Variants in ANXA8 observed in about 807,000 individuals in gnomAD.
ANXA8 encodes VAC-beta.
Under a neutral mutation model 26.8 loss-of-function variants are expected in ANXA8, and 9 were observed. That is an observed-to-expected ratio of 0.34 (90% CI 0.20 to 0.59). ANXA8 has a LOEUF of 0.59. Among genes scored for constraint, ANXA8 ranks in the 20% least tolerant of loss-of-function variants. The probability of loss-of-function intolerance (pLI) is 0.84; values close to 1 mark genes in which losing one functional copy is unlikely to be tolerated. For missense variants in ANXA8, 83 were observed against 238.5 expected (o/e 0.35, Z 4.29); for synonymous variants, 39 against 94.8 (o/e 0.41, Z 3.42).
At chr10:47,670,403 T>C in the ANXA8 span, among the ~76,000 whole-genome samples, 2 of 152,092 alleles carry the variant, frequency 1.3e-5, no homozygotes, top group Non-Finnish European at 2.9e-5. Flanking sequence ...GGATCATATA[T>C]GGTAATTCTG....
chr10:47,730,624 T>C, the ANXA8 span, among the ~76,000 whole-genome samples: 2 of 152,284 alleles, frequency 1.3e-5, no homozygotes, highest in Non-Finnish European at 2.9e-5. Flanking sequence ...AAAGATTGTT[T>C]TTGTCTTTTG....
chr10:47,610,384 G>A, the ANXA8 span, among the ~76,000 whole-genome samples: 5 of 144,362 alleles, frequency 3.5e-5, no homozygotes, highest in East Asian at 3.9e-4. Flanking sequence ...GTACATTAGC[G>A]AGCTGGACTA....
chr10:47,744,106 A>C, the ANXA8 span, among the ~76,000 whole-genome samples: 1 of 148,180 alleles, frequency 6.7e-6, no homozygotes, highest in East Asian at 2.2e-4. Flanking sequence ...AATGGAATGA[A>C]AGGAGAAGGG....
At chr10:47,735,798 T>C in the ANXA8 span, among the ~76,000 whole-genome samples, 2 of 151,498 alleles carry the variant, frequency 1.3e-5, no homozygotes, top group South Asian at 2.1e-4. Flanking sequence ...TATGCCTCCA[T>C]ACCTGGACAC....
chr10:47,620,689 T>A, the ANXA8 span, among the ~76,000 whole-genome samples: 1 of 107,834 alleles, frequency 9.3e-6, no homozygotes, highest in African/African-American at 3.6e-5. Flanking sequence ...ATTCAAGTAA[T>A]AAAGACTACA....
chr10:47,509,171 T>C, the ANXA8 span, among the ~76,000 whole-genome samples: 1 of 131,970 alleles, frequency 7.6e-6, no homozygotes, highest in Admixed American at 7.6e-5. Context: ...AAAGCTGCTT[T>C]TGAATTATAT....
At chr10:47,668,600 T>TTTTA in the ANXA8 span, among the ~76,000 whole-genome samples, 1 of 151,674 alleles carries the variant, frequency 6.6e-6, no homozygotes, top group East Asian at 1.9e-4. Flanking sequence ...ATAAAATTCC[T>TTTTA]TTTATTTATT....
At chr10:47,980,865 G>T in the ANXA8 span, among the ~76,000 whole-genome samples, 3 of 150,916 alleles carry the variant, frequency 2.0e-5, no homozygotes, top group Non-Finnish European at 4.4e-5. Flanking sequence ...AGTACCAAAT[G>T]GTTTCGCTGA....
At chr10:47,682,509 G>A in the ANXA8 span, among the ~76,000 whole-genome samples, 13 of 138,138 alleles carry the variant, frequency 9.4e-5, no homozygotes, top group Admixed American at 2.4e-4. Flanking sequence ...TCGCTCTGTC[G>A]CCCAGGCTGG....
the ANXA8 span, among the ~76,000 whole-genome samples, chr10:47,521,329 A>G: frequency 5.7e-4 from 80 of 140,698 alleles, 6 homozygotes; most frequent in African/African-American, 2.1e-3. Context: ...AAGTACTTAC[A>G]TGCTTTGTGT....
the ANXA8 span, among the ~76,000 whole-genome samples, chr10:47,559,142 C>CTTTTTTT: frequency 5.9e-4 from 43 of 73,306 alleles, 1 homozygote; most frequent in East Asian, 7.2e-3. Flanking sequence ...TGGAGTCTTA[C>CTTTTTTT]TTTTTTTTTT....
the ANXA8 span, among the ~76,000 whole-genome samples, chr10:47,647,218 A>C: frequency 2.6e-5 from 4 of 152,186 alleles, no homozygotes; most frequent in African/African-American, 9.6e-5. Context: ...CAATTTGTAT[A>C]GGACTCTTGA....
At chr10:47,943,588 CGA>C in the ANXA8 span, among the ~76,000 whole-genome samples, 3 of 124,948 alleles carry the variant, frequency 2.4e-5, no homozygotes, top group African/African-American at 9.0e-5. Flanking sequence ...CATCCTGAGC[CGA>C]GTCACTGAGG....
upstream of ANXA8, chr10:47,484,270 G>A: frequency 3.0e-6 from 2 of 673,720 alleles, no homozygotes; most frequent in South Asian, 1.6e-5. Context: ...GCCCCACTCA[G>A]TAAACACAGC....
the ANXA8 span, among the ~76,000 whole-genome samples, chr10:47,750,710 T>A: frequency 3.0e-5 from 4 of 133,848 alleles, no homozygotes; most frequent in African/African-American, 1.1e-4. Flanking sequence ...AGTGCGGGGA[T>A]AATAGATGTG....
intron 1 of ANXA8, among the ~76,000 whole-genome samples, chr10:47,483,530 C>G (rs1448126686): frequency 7.3e-6 from 1 of 136,654 alleles, no homozygotes; most frequent in Non-Finnish European, 1.5e-5. Flanking sequence ...AGCAGTATGC[C>G]TGATTCTCCC....
the ANXA8 span, among the ~76,000 whole-genome samples, chr10:47,948,403 T>C: frequency 1.8e-5 from 2 of 112,266 alleles, no homozygotes; most frequent in Non-Finnish European, 3.5e-5. Context: ...AACATGAAAG[T>C]AATCATCAAA....
the ANXA8 span, among the ~76,000 whole-genome samples, chr10:47,969,866 C>T: frequency 1.3e-4 from 20 of 151,262 alleles, no homozygotes; most frequent in Admixed American, 1.3e-3. Context: ...CAGGTGGGAG[C>T]CACAGTGCTA....
chr10:47,510,935 A>ATTT, the ANXA8 span, among the ~76,000 whole-genome samples: 400 of 113,462 alleles, frequency 3.5e-3, 10 homozygotes, highest in Non-Finnish European at 4.9e-3. Flanking sequence ...TTAATTAATT[A>ATTT]ATTTATTTAT....
Sources: allele counts gnomAD v4.1 joint callset (sites outside exome capture counted in the v4.1 genomes callset), GRCh38; gene constraint gnomAD v4.1.1; transcripts MANE v1.5; gene names NCBI Gene and HGNC (gene_info 2026-07-23, HGNC 2026-07-21).